KLHL5: variants seen among roughly 807,000 people sequenced by gnomAD.
The protein encoded by KLHL5 is kelch like family member 5, also known as kelch-like protein 5.
In KLHL5, 48 loss-of-function variants were observed where a neutral mutation model predicts 77.7. That is an observed-to-expected ratio of 0.62 (90% CI 0.49 to 0.79). KLHL5 has a LOEUF of 0.79. KLHL5 is among the 30% of genes least tolerant of loss of function. The pLI is 0.00. For synonymous variants in KLHL5, 260 were observed against 297.0 expected, an observed-to-expected ratio of 0.88 and a Z score of 1.28; for missense variants, 723 against 859.7, an observed-to-expected ratio of 0.84 and a Z score of 1.99.
chr4:39,077,476 A>G (rs1027493237), intron 2 of KLHL5, among the ~76,000 whole-genome samples: 6 of 152,010 alleles, frequency 3.9e-5, no homozygotes, highest in African/African-American at 9.7e-5. Context: ...AAAAAAGAAA[A>G]CATGTTTAAC....
In KLHL5 at chr4:39,115,298, G is replaced by T. The variant is rs557290076; in HGVS notation, c.2041G>T (p.Ala681Ser). 2.0e-5 allele frequency: 32 copies of T among 1,613,978 alleles called. No individual in the cohort carries two copies. The East Asian group carries it at 6.2e-4, about 31-fold the overall frequency. The change falls in exon 10 of 11, where the codon GCT becomes TCT. Residue 681 changes from alanine (A) to serine (S), a missense_variant. Around this residue, in one of 3 missense-constraint regions of KLHL5, gnomAD observed 214 missense variants for 237.4 expected, o/e 0.90. Coordinates refer to ENST00000504108, the MANE Select transcript of KLHL5 (RefSeq NM_015990.5). Reference protein sequence around the residue: ...DGQAYLNTVEAYDPQTNEWTQ... With the variant: ...DGQAYLNTVESYDPQTNEWTQ... ...ACAGGCATACCTTAATACTGTGGAGGCTTATGATCCCCAGACAAATGAGTG... is the reference window on the plus strand; with the variant it reads ...ACAGGCATACCTTAATACTGTGGAGTCTTATGATCCCCAGACAAATGAGTG...
At chr4:39,048,638 C>CTTTT (rs34713116) in intron 1 of KLHL5, among the ~76,000 whole-genome samples, 44,737 of 78,710 alleles carry the variant, frequency 0.57, 11,442 homozygotes, top group East Asian at 0.61. Context: ...TTTACATTGG[C>CTTTT]TTTTTTTTTT....
At chr4:39,050,444 C>A (rs1213306897) in intron 1 of KLHL5, among the ~76,000 whole-genome samples, 1 of 152,204 alleles carries the variant, frequency 6.6e-6, no homozygotes, top group East Asian at 1.9e-4. Flanking sequence ...CTTTCTCTCT[C>A]TCCAAGTCTA....
chr4:39,055,047 A>G (rs1716911600), intron 1 of KLHL5, among the ~76,000 whole-genome samples: 1 of 152,260 alleles, frequency 6.6e-6, no homozygotes, highest in African/African-American at 2.4e-5. Flanking sequence ...GGATGCCTCT[A>G]TATAAATGAG....
intron 1 of KLHL5, among the ~76,000 whole-genome samples, chr4:39,050,685 A>T (rs1395937299): frequency 6.6e-6 from 1 of 152,244 alleles, no homozygotes; most frequent in African/African-American, 2.4e-5. Context: ...CTAAGGTATA[A>T]CAAATTAGTG....
At chr4:39,136,306 C>A in the KLHL5 span, among the ~76,000 whole-genome samples, 1 of 151,964 alleles carries the variant, frequency 6.6e-6, no homozygotes, top group Non-Finnish European at 1.5e-5. Context: ...ATTACAGGTG[C>A]CCACCACCAA....
intron 7 of KLHL5, among the ~76,000 whole-genome samples, chr4:39,106,908 A>C (rs1722077079): frequency 3.6e-5 from 1 of 27,752 alleles, no homozygotes; most frequent in African/African-American, 8.6e-5. Flanking sequence ...TGGCTAATTA[A>C]AAAAAAAAAA....
chr4:39,065,370 T>G (rs1717796228), intron 1 of KLHL5, among the ~76,000 whole-genome samples: 1 of 151,752 alleles, frequency 6.6e-6, no homozygotes, highest in African/African-American at 2.4e-5. Context: ...TTTTTTTTTT[T>G]TTTGAGACAG....
rs1385860965 is a variant in KLHL5 at position 39,086,595 on chromosome 4, T to C, written c.981T>C (p.Asp327=). ...ASEIAKLLAS[D]DMNIPNEETI... ...AAATTGCAAAGCTCTTGGCTAGTGA[T>C]GACATGAACATTCCTAATGAGGAGA... The change falls in exon 5 of 11, where the codon GAT becomes GAC. Residue 327 remains aspartate, a synonymous_variant. Coordinates refer to ENST00000504108, the MANE Select transcript of KLHL5 (RefSeq NM_015990.5). 17 of 1,613,862 alleles carry C rather than the reference T, an allele frequency of 1.1e-5. No homozygotes were observed. The highest frequency in any genetic ancestry group is 1.4e-5 in the Non-Finnish European group (16 of 1,179,908).
Position 39,081,943 on chromosome 4 carries a change from A to G in KLHL5, c.704-20A>G. The G allele has an allele frequency of 6.5e-7, 1 of 1,541,978 alleles. No homozygotes were observed. The highest frequency in any genetic ancestry group is 8.8e-7 in the Non-Finnish European group (1 of 1,140,580). Reference sequence around the variant, plus strand: ...GTTAATGTAGTTCCATGGCTAATGGAATTTCTTTTTATCATTAAGGCCGCC... The same window carrying G: ...GTTAATGTAGTTCCATGGCTAATGGGATTTCTTTTTATCATTAAGGCCGCC... On this transcript the variant is annotated intron_variant, in intron 3 of 10. Transcript: ENST00000504108. The surrounding 1 kb of genome is among the most constrained non-coding windows in gnomAD (Gnocchi z 4.3).
chr4:39,054,256 T>C (rs1560402916), intron 1 of KLHL5, among the ~76,000 whole-genome samples: 2 of 152,188 alleles, frequency 1.3e-5, no homozygotes, highest in African/African-American at 4.8e-5. Flanking sequence ...CTTCTTGCTT[T>C]GAAAGCAAGA....
In KLHL5 at chr4:39,114,398, CT is replaced by C. The variant is rs1288240028; in HGVS notation, c.1902-759del. Among the ~76,000 whole-genome samples, 14 of 152,342 alleles carry C rather than the reference CT, an allele frequency of 9.2e-5. No homozygotes were observed. The East Asian group carries it at 2.7e-3, about 29-fold the overall frequency. On this transcript the variant is annotated intron_variant, in intron 9 of 10. Transcript: ENST00000504108. The stretch of plus-strand genomic sequence containing the variant: ...ACCAAGGAGAAAAACACTAATCCAT[CT>C]TATCAACCTGATCACCTCTTAAAGG...
At chr4:39,045,165 C>T in intron 1 of KLHL5, 7 of 984,152 alleles carry the variant, frequency 7.1e-6, no homozygotes, top group Non-Finnish European at 7.2e-6. Flanking sequence ...CCCGCCCCCA[C>T]GCGACTCTCA....
intron 1 of KLHL5, among the ~76,000 whole-genome samples, chr4:39,066,627 C>T (rs368802147): frequency 5.3e-5 from 8 of 152,114 alleles, no homozygotes; most frequent in Admixed American, 1.3e-4. Context: ...AAGTTGAAAG[C>T]GCATTTTCTA....
intron 1 of KLHL5, among the ~76,000 whole-genome samples, chr4:39,066,821 C>A (rs1304822020): frequency 1.3e-5 from 2 of 152,116 alleles, no homozygotes; most frequent in Non-Finnish European, 2.9e-5. Context: ...TATTATCAAC[C>A]TAATTCTAAT....
downstream of KLHL5, among the ~76,000 whole-genome samples, chr4:39,127,152 A>C (rs1464601223): frequency 6.6e-6 from 1 of 152,018 alleles, no homozygotes; most frequent in Non-Finnish European, 1.5e-5. Flanking sequence ...CCTGGGCAAC[A>C]TCTTGAGACC....
chr4:39,130,411 T>C (rs192176723), downstream of KLHL5, among the ~76,000 whole-genome samples: 10 of 152,326 alleles, frequency 6.6e-5, no homozygotes, highest in African/African-American at 2.4e-4. Flanking sequence ...AGGTGTTCCT[T>C]ACCCTCATTC....
chr4:39,115,088 G>T, intron 9 of KLHL5, 71 bp from the exon 10 acceptor site: 1 of 1,386,314 alleles, frequency 7.2e-7, no homozygotes. Flanking sequence ...AGATAGACTT[G>T]AAGAACAAAA....
chr4:39,134,271 T>C, the KLHL5 span, among the ~76,000 whole-genome samples: 1 of 152,234 alleles, frequency 6.6e-6, no homozygotes, highest in Non-Finnish European at 1.5e-5. Flanking sequence ...TTTATTAAAT[T>C]GCTTTAGACT....
Sources: gnomAD v4.1 joint callset for allele counts (sites outside exome capture counted in the v4.1 genomes callset) on GRCh38, gnomAD v4.1.1 for gene constraint, gnomAD v4.1.1 regional missense constraint, Gnocchi (gnomAD v3.1) non-coding constraint, MANE v1.5 for transcripts, NCBI Gene and HGNC (gene_info 2026-07-23, HGNC 2026-07-21) for gene names.